The following CHMP7 variants were observed in gnomAD, a reference collection of about 807,000 sequenced individuals.
The protein encoded by CHMP7 is charged multivesicular body protein 7, also known as CHMP family, member 7.
In CHMP7, 15 loss-of-function variants were observed where a neutral mutation model predicts 53.7. The observed-to-expected ratio is 0.28, with a 90% confidence interval of 0.19 to 0.43. The LOEUF is 0.43. CHMP7 is among the 20% of genes least tolerant of loss of function. CHMP7 has a pLI of 1.00. For synonymous variants in CHMP7, 261 were observed against 228.0 expected, an observed-to-expected ratio of 1.14 and a Z score of -1.30; for missense variants, 527 against 569.4, an observed-to-expected ratio of 0.93 and a Z score of 0.76.
At chr8:23,260,356 C>T in intron 10 of CHMP7, 33 bp downstream of exon 10, 1 of 1,608,524 alleles carries the variant, frequency 6.2e-7, no homozygotes, top group Non-Finnish European at 8.5e-7. Context: ...CTTTGGAGGG[C>T]ATATGGCCTT....
chr8:23,246,944 C>G lies in CHMP7; in HGVS notation c.249C>G (p.Arg83=), dbSNP rs553563631. 8.4e-6 allele frequency: 13 copies of G among 1,554,710 alleles called. No individual in the cohort carries two copies. In the Admixed American group the frequency reaches 1.7e-4, roughly 21 times the overall value. Residue 83 remains arginine, a synonymous_variant, in exon 2 of 11, where the codon CGC becomes CGG. Coordinates refer to ENST00000397677, the MANE Select transcript of CHMP7 (RefSeq NM_152272.5). Reference sequence around the variant, plus strand: ...GGGACTTGCAGGAGGCCTTTCAGCGCAAGGGGAGCGTCCCGCTGGGGCTGG... The same window carrying G: ...GGGACTTGCAGGAGGCCTTTCAGCGGAAGGGGAGCGTCCCGCTGGGGCTGG... The part of the protein sequence containing the change: ...RLRDLQEAFQ[R]KGSVPLGLAT...
At chr8:23,254,477 C>G (rs888036938) in intron 3 of CHMP7, among the ~76,000 whole-genome samples, 3 of 152,152 alleles carry the variant, frequency 2.0e-5, no homozygotes, top group Admixed American at 6.6e-5. Context: ...TCACTGCAAC[C>G]TCCGCCTCCC....
Position 23,259,074 on chromosome 8 carries a change from C to T in CHMP7, c.1068C>T (p.Asp356=). ...GCACTTGTCTCTTACAGCTCTGTGA[C>T]ACCCAGGATGAAGTTTCTCAGACTC... ...SLVDQIQELC[D]TQDEVSQTLA... is the part of the protein sequence containing the mutation. The change falls in exon 9 of 11, where the codon GAC becomes GAT. Residue 356 remains aspartate, a synonymous_variant. Transcript: ENST00000397677. 3 of 1,606,818 alleles carry T rather than the reference C, an allele frequency of 1.9e-6. No homozygotes were observed. Among genetic ancestry groups the T allele is most frequent in the Admixed American group, 1.7e-5 (1 of 59,986 alleles).
At chr8:23,249,849 A>C (rs112900895) in intron 3 of CHMP7, among the ~76,000 whole-genome samples, 2 of 152,138 alleles carry the variant, frequency 1.3e-5, no homozygotes, top group African/African-American at 4.8e-5. Flanking sequence ...CGAAGAGGCC[A>C]CTGGGGCCAT....
At chr8:23,258,132 A>G (rs1353583274) in intron 6 of CHMP7, 51 bp downstream of exon 6, 7 of 1,504,942 alleles carry the variant, frequency 4.7e-6, no homozygotes, top group Non-Finnish European at 6.5e-6. Flanking sequence ...GCAGGCCTGG[A>G]GCAATGCCCA....
chr8:23,253,187 C>T (rs1801995351), intron 3 of CHMP7, among the ~76,000 whole-genome samples: 3 of 152,208 alleles, frequency 2.0e-5, no homozygotes, highest in African/African-American at 7.2e-5. Context: ...TGAGGACTTT[C>T]AACATTGTAT....
intron 3 of CHMP7, among the ~76,000 whole-genome samples, chr8:23,253,173 A>G (rs989715431): frequency 6.6e-6 from 1 of 152,198 alleles, no homozygotes; most frequent in Non-Finnish European, 1.5e-5. Context: ...TGCTGTGGAT[A>G]TGCTGAGGAC....
chr8:23,257,731 A>G (rs1250932698), intron 5 of CHMP7, among the ~76,000 whole-genome samples: 2 of 152,192 alleles, frequency 1.3e-5, no homozygotes, highest in African/African-American at 2.4e-5. Flanking sequence ...GTTGGTGTTA[A>G]CAGTTCCTTC....
intron 4 of CHMP7, among the ~76,000 whole-genome samples, chr8:23,255,959 A>G: frequency 6.6e-6 from 1 of 151,838 alleles, no homozygotes; most frequent in Non-Finnish European, 1.5e-5. Context: ...AAGGGGTTTC[A>G]CCAGTTAGCC....
At chr8:23,255,112 G>T in intron 3 of CHMP7, 135 bp from the exon 4 acceptor site, 2 of 830,206 alleles carry the variant, frequency 2.4e-6, no homozygotes, top group Non-Finnish European at 3.9e-6. Context: ...TTGAAAAGCC[G>T]CTACTTTGGG....
chr8:23,251,814 C>T (rs567175937), intron 3 of CHMP7, among the ~76,000 whole-genome samples: 1 of 152,296 alleles, frequency 6.6e-6, no homozygotes, highest in African/African-American at 2.4e-5. Context: ...TCAATCATTC[C>T]AATTTCTCTC....
chr8:23,257,039 G>A (rs1207372158), intron 5 of CHMP7, among the ~76,000 whole-genome samples: 2 of 150,964 alleles, frequency 1.3e-5, no homozygotes, highest in East Asian at 2.0e-4. Flanking sequence ...TGATCCGCCC[G>A]CCTCTGCCTC....
At chr8:23,257,091 C>CTTTTT (rs1195836725) in intron 5 of CHMP7, among the ~76,000 whole-genome samples, 1 of 130,938 alleles carries the variant, frequency 7.6e-6, no homozygotes. Context: ...CGTGCCCGGC[C>CTTTTT]TTTTTTTTTT....
intron 3 of CHMP7, among the ~76,000 whole-genome samples, chr8:23,250,239 G>A (rs532331798): frequency 6.6e-5 from 10 of 152,164 alleles, no homozygotes; most frequent in Admixed American, 5.2e-4. Context: ...TTCCTGAGTC[G>A]GTCTACAGTT....
chr8:23,259,899 G>T (rs1328635434), intron 9 of CHMP7: 6 of 457,088 alleles, frequency 1.3e-5, no homozygotes, highest in Non-Finnish European at 2.0e-5. Flanking sequence ...TCCTTCAAGG[G>T]CAGTGGGAAT....
Position 23,246,550 on chromosome 8 carries a change from A to G in CHMP7, c.-146A>G. 9.1e-6 allele frequency: 6 copies of G among 660,962 alleles called. No individual in the cohort carries two copies. Among genetic ancestry groups the G allele is most frequent in the Non-Finnish European group, 1.5e-5 (6 of 391,830 alleles). The allele number at this position is 660,962 out of a possible 1,614,324, so 40.9% of individuals were successfully genotyped here. A position where few individuals can be genotyped will look rare whatever the true frequency, so the allele number is the denominator to read the frequency against. On this transcript the variant is annotated 5_prime_UTR_variant, in exon 2 of 11. Coordinates refer to ENST00000397677, the MANE Select transcript of CHMP7 (RefSeq NM_152272.5). ...GCAGCGCAACGCATGCGCCTTGAAG[A>G]CTTATGGAACTTATTTCACGCTCAG...
At chr8:23,247,755 T>A (rs12544554) in intron 2 of CHMP7, among the ~76,000 whole-genome samples, 1 of 151,914 alleles carries the variant, frequency 6.6e-6, no homozygotes, top group Admixed American at 6.6e-5. Context: ...AGTGACTTAC[T>A]CAGAGTTACA....
chr8:23,253,391 C>T (rs1802001612), intron 3 of CHMP7, among the ~76,000 whole-genome samples: 1 of 152,230 alleles, frequency 6.6e-6, no homozygotes, highest in Non-Finnish European at 1.5e-5. Context: ...TCAAGCAATT[C>T]TCCTGCCTCA....
At chr8:23,257,424 C>G (rs1010092602) in intron 5 of CHMP7, among the ~76,000 whole-genome samples, 5 of 152,228 alleles carry the variant, frequency 3.3e-5, no homozygotes, top group African/African-American at 1.2e-4. Flanking sequence ...GCTTCCCCCA[C>G]AGACCATGAC....
Sources: allele counts gnomAD v4.1 joint callset (sites outside exome capture counted in the v4.1 genomes callset), GRCh38; gene constraint gnomAD v4.1.1; transcripts MANE v1.5; gene names NCBI Gene and HGNC (gene_info 2026-07-23, HGNC 2026-07-21).